The following FGF19 variants were observed in gnomAD, a reference collection of about 807,000 sequenced individuals.
The protein encoded by FGF19 is FGF-19.
A neutral mutation model predicts 8.9 loss-of-function variants in FGF19; 5 were observed. The observed-to-expected ratio is 0.56, with a 90% confidence interval of 0.29 to 1.18. FGF19 has a LOEUF of 1.18. Among genes scored for constraint, FGF19 ranks in the 50% most tolerant of loss-of-function variants. The probability of loss-of-function intolerance (pLI) is 0.08; values close to 1 mark genes in which losing one functional copy is unlikely to be tolerated. For missense variants in FGF19, 237 were observed against 293.9 expected (o/e 0.81, Z 1.42); for synonymous variants, 124 against 128.0 (o/e 0.97, Z 0.21).
At chr11:69,700,424 C>T (rs1854755763) in intron 2 of FGF19, among the ~76,000 whole-genome samples, 1 of 152,152 alleles carries the variant, frequency 6.6e-6, no homozygotes, top group Non-Finnish European at 1.5e-5. Context: ...ATCCATCAAC[C>T]CACAGGAATG....
chr11:69,699,824 A>G (rs893355944), intron 2 of FGF19, among the ~76,000 whole-genome samples: 1 of 152,208 alleles, frequency 6.6e-6, no homozygotes, highest in African/African-American at 2.4e-5. Flanking sequence ...AGTAGGTCAC[A>G]CCTGTAGTCC....
In FGF19 at chr11:69,698,559, G is replaced by A; in HGVS notation, c.*703C>T. On this transcript the variant is annotated 3_prime_UTR_variant, in exon 3 of 3. Transcript: ENST00000294312. The stretch of plus-strand genomic sequence containing the variant: ...AGGCATGTGAGGTGGGCAGAGGGCT[G>A]GTGGGCTGGGAGATGGAAGCAGGTG... 1 of 191,760 alleles carries A rather than the reference G, an allele frequency of 5.2e-6. No homozygotes were observed. Among genetic ancestry groups the A allele is most frequent in the Non-Finnish European group, 1.1e-5 (1 of 91,684 alleles). 11.9% of individuals were successfully genotyped at this position (191,760 alleles called of 1,614,324 possible). A position where few individuals can be genotyped will look rare whatever the true frequency, so the allele number is the denominator to read the frequency against.
Position 69,699,020 on chromosome 11 carries a change from G to A in FGF19, c.*242C>T, listed in dbSNP as rs1343269775. The A allele has an allele frequency of 2.0e-6, 1 of 511,836 alleles. No homozygotes were observed. The highest frequency in any genetic ancestry group is 3.5e-6 in the Non-Finnish European group (1 of 289,186). The allele number at this position is 511,836 out of a possible 1,614,324, so 31.7% of individuals were successfully genotyped here. A position where few individuals can be genotyped will look rare whatever the true frequency, so the allele number is the denominator to read the frequency against. On this transcript the variant is annotated 3_prime_UTR_variant, in exon 3 of 3. Transcript: ENST00000294312. Reference sequence around the variant, plus strand: ...CAGCTTGTCCAGCAACCTCGAGGGAGCAGAATGGGGGCCCAGGCAGCAGCT... The same window carrying A: ...CAGCTTGTCCAGCAACCTCGAGGGAACAGAATGGGGGCCCAGGCAGCAGCT...
In FGF19 at chr11:69,699,387, G is replaced by T. The variant is rs776116676; in HGVS notation, c.526C>A (p.Pro176Thr). Residue 176 changes from proline (P) to threonine (T), a missense_variant, in exon 3 of 3, where the codon CCT (proline) becomes ACT (threonine). Physicochemically the swap from Pro to Thr is conservative, Grantham distance 38. Transcript: ENST00000294312. ...LPMLPMVPEE[P>T]EDLRGHLESD... The stretch of plus-strand genomic sequence containing the variant: ...TCCAAGTGGCCCCTGAGGTCCTCAG[G>T]CTCCTCTGGGACCATGGGCAGCATG... The T allele has an allele frequency of 1.9e-5, 31 of 1,614,094 alleles. No individual in the cohort carries two copies. Among genetic ancestry groups the T allele is most frequent in the Non-Finnish European group, 2.5e-5 (29 of 1,180,040 alleles).
In FGF19 at chr11:69,702,909, C is replaced by G. The variant is rs761478264; in HGVS notation, c.336+352G>C. On this transcript the variant is annotated intron_variant, in intron 2 of 2. Transcript: ENST00000294312. This position sits in a 1 kb window ranked among gnomAD's most constrained non-coding sequence, Gnocchi z 4.6. ...GAAACGGAGGCGAGGACCACACACG[C>G]GCAGGCAGAGGCTGAAAAGGCCCGA... is the stretch of plus-strand genomic sequence containing the variant. Among the ~76,000 whole-genome samples the G allele has an allele frequency of 6.6e-6, 1 of 151,954 alleles. No homozygotes were observed. Among genetic ancestry groups the G allele is most frequent in the Admixed American group, 6.5e-5 (1 of 15,270 alleles).
rs768424122 is a variant in FGF19, at chr11:69,703,965, G to T, written c.-89C>A. ...CGGGATGCGCTGCGGGGCTGTGAGT[G>T]CCGGGTTGGGATGGTCGTGGCCCTA... On this transcript the variant is annotated 5_prime_UTR_variant, in exon 1 of 3. Coordinates refer to ENST00000294312, the MANE Select transcript of FGF19 (RefSeq NM_005117.3). The surrounding 1 kb of genome is among the most constrained non-coding windows in gnomAD (Gnocchi z 6.8). 3 of 783,690 alleles carry T rather than the reference G, an allele frequency of 3.8e-6. No individual in the cohort carries two copies. In the African/African-American group the frequency reaches 5.4e-5, roughly 14 times the overall value. 48.5% of individuals were successfully genotyped at this position (783,690 alleles called of 1,614,324 possible).
At position 69,703,407 on chromosome 11, in the gene FGF19, G is replaced by T. The variant is rs1590932612; in HGVS notation, c.233-43C>A. ...GAGAAGCTGCAGCAAGGACCGCTGGGCCCGCACCACGTGGGTGCGGTCGGT... is the reference window on the plus strand; with the variant it reads ...GAGAAGCTGCAGCAAGGACCGCTGGTCCCGCACCACGTGGGTGCGGTCGGT... On this transcript the variant is annotated intron_variant, in intron 1 of 2. Coordinates refer to ENST00000294312, the MANE Select transcript of FGF19 (RefSeq NM_005117.3). The surrounding 1 kb of genome is among the most constrained non-coding windows in gnomAD (Gnocchi z 6.8). The T allele has an allele frequency of 1.4e-6, 2 of 1,473,168 alleles. No homozygotes were observed. Among genetic ancestry groups the T allele is most frequent in the East Asian group, 2.4e-5 (1 of 41,122 alleles). 91.3% of individuals were successfully genotyped at this position (1,473,168 alleles called of 1,614,324 possible).
chr11:69,702,410 G>T lies in FGF19; in HGVS notation c.336+851C>A, dbSNP rs1237461597. ...CCACCCCCGCCCTGGCCCCTGCTCC[G>T]CCAGGGAGTCCGGGGCTGCGTGTGA... On this transcript the variant is annotated intron_variant, in intron 2 of 2. Coordinates refer to ENST00000294312, the MANE Select transcript of FGF19 (RefSeq NM_005117.3). The surrounding 1 kb of genome is among the most constrained non-coding windows in gnomAD (Gnocchi z 4.6). Among the ~76,000 whole-genome samples, 1 of 152,076 alleles carries T rather than the reference G, an allele frequency of 6.6e-6. No homozygotes were observed. Among genetic ancestry groups the T allele is most frequent in the Non-Finnish European group, 1.5e-5 (1 of 67,974 alleles).
chr11:69,703,596 GGGT>G lies in FGF19; in HGVS notation c.232+46_232+48del. 1 of 980,992 alleles carries G rather than the reference GGGT, an allele frequency of 1.0e-6. No individual in the cohort carries two copies. The highest frequency in any genetic ancestry group is 5.0e-5 in the South Asian group (1 of 20,066). 60.8% of individuals were successfully genotyped at this position (980,992 alleles called of 1,614,324 possible). A position where few individuals can be genotyped will look rare whatever the true frequency, so the allele number is the denominator to read the frequency against. On this transcript the variant is annotated intron_variant, in intron 1 of 2. Transcript: ENST00000294312. This position sits in a 1 kb window ranked among gnomAD's most constrained non-coding sequence, Gnocchi z 6.8. Reference sequence around the variant, plus strand: ...GCGCTGGGGTGGGGCGCGCGCAGCGGGGTGGGGTGCGCGCGGCGGGGCGGGCGG... The same window carrying G: ...GCGCTGGGGTGGGGCGCGCGCAGCGGGGGGTGCGCGCGGCGGGGCGGGCGG...
chr11:69,703,882 C>T lies in FGF19; in HGVS notation c.-6G>A, dbSNP rs1211296412. The T allele has an allele frequency of 8.0e-7, 1 of 1,245,982 alleles. No homozygotes were observed. Among genetic ancestry groups the T allele is most frequent in the Non-Finnish European group, 1.0e-6 (1 of 995,338 alleles). 77.2% of individuals were successfully genotyped at this position (1,245,982 alleles called of 1,614,324 possible). On this transcript the variant is annotated 5_prime_UTR_variant, in exon 1 of 3. Coordinates refer to ENST00000294312, the MANE Select transcript of FGF19 (RefSeq NM_005117.3). This position sits in a 1 kb window ranked among gnomAD's most constrained non-coding sequence, Gnocchi z 6.8. ...ACCACACACCCGCTCCGCATGGCAC[C>T]TCCCTGGGGCTCTCGGCGCAGCTCC... is the stretch of plus-strand genomic sequence containing the variant.
intron 2 of FGF19, among the ~76,000 whole-genome samples, chr11:69,699,983 A>G (rs919847621): frequency 6.6e-6 from 1 of 151,926 alleles, no homozygotes; most frequent in African/African-American, 2.4e-5. Flanking sequence ...GCTATTCGGG[A>G]GGCTGAGAGG....
In FGF19 at chr11:69,703,788, G is replaced by A; in HGVS notation, c.89C>T (p.Ala30Val). The change falls in exon 1 of 3, where the codon GCG (alanine) becomes GTG (valine). Residue 30 changes from alanine to valine, a missense_variant. By Grantham distance (64) the Ala-to-Val change is moderately conservative (BLOSUM62 0). Coordinates refer to ENST00000294312, the MANE Select transcript of FGF19 (RefSeq NM_005117.3). The surrounding 1 kb of genome is among the most constrained non-coding windows in gnomAD (Gnocchi z 6.8). ...VAGRPLAFSD[A>V]GPHVHYGWGD... ...CCAGCCGTAGTGCACGTGGGGCCCC[G>A]CGTCCGAGAAGGCGAGGGGGCGCCC... 1 of 1,235,136 alleles carries A rather than the reference G, an allele frequency of 8.1e-7. No individual in the cohort carries two copies. The highest frequency in any genetic ancestry group is 1.0e-6 in the Non-Finnish European group (1 of 989,360). The allele number at this position is 1,235,136 out of a possible 1,614,324, so 76.5% of individuals were successfully genotyped here.
chr11:69,703,530 G>A lies in FGF19; in HGVS notation c.232+115C>T. ...CCAAAACCTGGGGTTCCCAGGAGTT[G>A]AGGGGTCCGCAGGAGCCTAAGGGTG... On this transcript the variant is annotated intron_variant, in intron 1 of 2. Coordinates refer to ENST00000294312, the MANE Select transcript of FGF19 (RefSeq NM_005117.3). The surrounding 1 kb of genome is among the most constrained non-coding windows in gnomAD (Gnocchi z 6.8). 1.3e-6 allele frequency: 1 copy of A among 787,962 alleles called. No homozygotes were observed. The highest frequency in any genetic ancestry group is 1.8e-6 in the Non-Finnish European group (1 of 545,326). The allele number at this position is 787,962 out of a possible 1,614,324, so 48.8% of individuals were successfully genotyped here. A position where few individuals can be genotyped will look rare whatever the true frequency, so the allele number is the denominator to read the frequency against.
At chr11:69,701,646 T>C (rs1854773164) in intron 2 of FGF19, among the ~76,000 whole-genome samples, 1 of 147,816 alleles carries the variant, frequency 6.8e-6, no homozygotes. Context: ...CAATTTCTGT[T>C]AGACCATGCA....
rs762243036 is a variant in FGF19, at chr11:69,703,284, C to T, written c.313G>A (p.Ala105Thr). 2.5e-6 allele frequency: 4 copies of T among 1,604,808 alleles called. No individual in the cohort carries two copies. Among genetic ancestry groups the T allele is most frequent in the Non-Finnish European group, 3.4e-6 (4 of 1,176,140 alleles). The change falls in exon 2 of 3, where the codon GCC becomes ACC. Residue 105 changes from alanine (A) to threonine (T), a missense_variant. Transcript: ENST00000294312. This position sits in a 1 kb window ranked among gnomAD's most constrained non-coding sequence, Gnocchi z 6.8. ...ACCAGCCCCTGCATCTTGCCGTCGG[C>T]GCCCATGCAGAGGTACCGCACGCTG... ...VHSVRYLCMG[A>T]DGKMQGLLQY... is the part of the protein sequence containing the mutation.
rs768811599 is a variant in FGF19 at position 69,703,387 on chromosome 11, G to A, written c.233-23C>T. On this transcript the variant is annotated intron_variant, in intron 1 of 2. Transcript: ENST00000294312. This position sits in a 1 kb window ranked among gnomAD's most constrained non-coding sequence, Gnocchi z 6.8. Reference sequence around the variant, plus strand: ...AACCTAGGCGCAGGGGAAGCGAGAAGCTGCAGCAAGGACCGCTGGGCCCGC... The same window carrying A: ...AACCTAGGCGCAGGGGAAGCGAGAAACTGCAGCAAGGACCGCTGGGCCCGC... 10 of 1,569,680 alleles carry A rather than the reference G, an allele frequency of 6.4e-6. 1 individual carries two copies. The South Asian group carries it at 1.2e-4, about 18-fold the overall frequency.
At chr11:69,699,647 G>A in intron 2 of FGF19, 71 bp from the exon 3 acceptor site, 1 of 1,274,942 alleles carries the variant, frequency 7.8e-7, no homozygotes, top group Non-Finnish European at 1.1e-6. Context: ...GGACGTTTGT[G>A]CTACAGACTG....
chr11:69,699,272 A>G lies in FGF19; in HGVS notation c.641T>C (p.Phe214Ser). The change falls in exon 3 of 3, where the codon TTT (phenylalanine) becomes TCT (serine). Residue 214 changes from phenylalanine (F) to serine (S), a missense_variant. Coordinates refer to ENST00000294312, the MANE Select transcript of FGF19 (RefSeq NM_005117.3). ...CGGGCATGGTCTCAGTTACTTCTCAAAGCTGGGACTCCTCACGGCCTCCAG... is the reference window on the plus strand; with the variant it reads ...CGGGCATGGTCTCAGTTACTTCTCAGAGCTGGGACTCCTCACGGCCTCCAG... The part of the protein sequence containing the change: ...TGLEAVRSPS[F>S]EK 3 of 1,609,622 alleles carry G rather than the reference A, an allele frequency of 1.9e-6. No individual in the cohort carries two copies. The highest frequency in any genetic ancestry group is 2.5e-6 in the Non-Finnish European group (3 of 1,177,416).
Position 69,703,610 on chromosome 11 carries a change from C to T in FGF19, c.232+35G>A. ...CGCGCGCAGCGGGGTGGGGTGCGCG[C>T]GGCGGGGCGGGCGGGGGTGCTGGCG... On this transcript the variant is annotated intron_variant, in intron 1 of 2. Transcript: ENST00000294312. This position sits in a 1 kb window ranked among gnomAD's most constrained non-coding sequence, Gnocchi z 6.8. 1.6e-6 allele frequency: 1 copy of T among 622,552 alleles called. No individual in the cohort carries two copies. Among genetic ancestry groups the T allele is most frequent in the Non-Finnish European group, 1.8e-6 (1 of 553,526 alleles). The allele number at this position is 622,552 out of a possible 1,614,324, so 38.6% of individuals were successfully genotyped here.
Sources: allele counts gnomAD v4.1 joint callset (sites outside exome capture counted in the v4.1 genomes callset), GRCh38; gene constraint gnomAD v4.1.1; non-coding constraint Gnocchi (gnomAD v3.1); transcripts MANE v1.5; gene names NCBI Gene and HGNC (gene_info 2026-07-23, HGNC 2026-07-21).